The following LHFPL6 variants were observed in gnomAD, a reference collection of about 807,000 sequenced individuals.
LHFPL6 encodes the protein LHFPL tetraspan subfamily member 6 protein.
In LHFPL6, 9 loss-of-function variants were observed where a neutral mutation model predicts 20.6. The observed-to-expected ratio is 0.44, with a 90% confidence interval of 0.26 to 0.76. The LOEUF is 0.76. LHFPL6 is among the 30% of genes least tolerant of loss of function. LHFPL6 has a pLI of 0.20. For synonymous variants in LHFPL6, 105 were observed against 98.7 expected, an observed-to-expected ratio of 1.06 and a Z score of -0.38; for missense variants, 218 against 253.5, an observed-to-expected ratio of 0.86 and a Z score of 0.95.
chr13:39,544,707 C>T (rs1433956747), intron 2 of LHFPL6, among the ~76,000 whole-genome samples: 2 of 151,532 alleles, frequency 1.3e-5, no homozygotes, highest in Admixed American at 6.6e-5. Context: ...AAGAAACCTA[C>T]AAGAATCTGG....
chr13:39,513,605 T>C, intron 2 of LHFPL6, among the ~76,000 whole-genome samples: 1 of 152,236 alleles, frequency 6.6e-6, no homozygotes, highest in Non-Finnish European at 1.5e-5. Flanking sequence ...TGCATTTTAT[T>C]GAGTACCTAC....
intron 3 of LHFPL6, among the ~76,000 whole-genome samples, chr13:39,368,338 C>T (rs1174343868): frequency 6.6e-6 from 1 of 151,066 alleles, no homozygotes; most frequent in African/African-American, 2.4e-5. Context: ...AACCTCAGCA[C>T]TTTGGGAGGC....
chr13:39,402,312 ACTC>A, intron 2 of LHFPL6, among the ~76,000 whole-genome samples: 1 of 151,888 alleles, frequency 6.6e-6, no homozygotes, highest in East Asian at 1.9e-4. Flanking sequence ...GTAACCTTGA[ACTC>A]CTGGGCCCAA....
intron 2 of LHFPL6, among the ~76,000 whole-genome samples, chr13:39,532,206 C>T (rs1241918929): frequency 1.3e-5 from 2 of 152,100 alleles, no homozygotes; most frequent in Non-Finnish European, 2.9e-5. Flanking sequence ...TCTGAAAGAA[C>T]AACACTAATC....
chr13:39,478,138 T>C (rs1425509484), intron 2 of LHFPL6, among the ~76,000 whole-genome samples: 1 of 152,200 alleles, frequency 6.6e-6, no homozygotes, highest in African/African-American at 2.4e-5. Context: ...TGCAGCACTG[T>C]TCTAGAGACG....
intron 1 of LHFPL6, among the ~76,000 whole-genome samples, chr13:39,601,816 C>CT (rs1247807654): frequency 6.6e-6 from 1 of 152,160 alleles, no homozygotes; most frequent in Non-Finnish European, 1.5e-5. Flanking sequence ...TTCTATGTCC[C>CT]TTTAAGGGTG....
intron 2 of LHFPL6, among the ~76,000 whole-genome samples, chr13:39,477,004 G>A (rs1873100068): frequency 6.6e-6 from 1 of 152,160 alleles, no homozygotes; most frequent in Admixed American, 6.5e-5. Context: ...GATTGAAGAT[G>A]GGTAGTAAAA....
chr13:39,399,831 C>T (rs1229504072), intron 2 of LHFPL6, among the ~76,000 whole-genome samples: 3 of 152,166 alleles, frequency 2.0e-5, no homozygotes, highest in Non-Finnish European at 2.9e-5. Flanking sequence ...CAGTGGCTCA[C>T]GCCTGTAATC....
intron 3 of LHFPL6, among the ~76,000 whole-genome samples, chr13:39,351,963 G>A (rs930043944): frequency 6.6e-6 from 1 of 152,152 alleles, no homozygotes; most frequent in Admixed American, 6.5e-5. Flanking sequence ...CCTGATTTGC[G>A]AATTGTTCAT....
At chr13:39,550,264 G>C (rs1159280833) in intron 2 of LHFPL6, among the ~76,000 whole-genome samples, 2 of 152,024 alleles carry the variant, frequency 1.3e-5, no homozygotes, top group African/African-American at 4.8e-5. Flanking sequence ...CAGGTGGAAG[G>C]GTTGACTAGA....
chr13:39,568,283 A>T (rs1035580651), intron 2 of LHFPL6, among the ~76,000 whole-genome samples: 1 of 152,092 alleles, frequency 6.6e-6, no homozygotes, highest in African/African-American at 2.4e-5. Flanking sequence ...TCCAGAAAAA[A>T]AAAACAGAAT....
rs565183661 is a variant in LHFPL6 at position 39,512,601 on chromosome 13, C to CAAAAAA, written c.385+88225_385+88230dup. Reference sequence around the variant, plus strand: ...TGGGCAACAGAGCGAGCCTCCGTCTCAAAAAAAAAAAAAAGAAAAGAAAAA... The same window carrying CAAAAAA: ...TGGGCAACAGAGCGAGCCTCCGTCTCAAAAAAAAAAAAAAAAAAAAGAAAAGAAAAA... On this transcript the variant is annotated intron_variant, in intron 2 of 3. Coordinates refer to ENST00000379589, the MANE Select transcript of LHFPL6 (RefSeq NM_005780.3). Among the ~76,000 whole-genome samples the CAAAAAA allele has an allele frequency of 2.0e-4, 22 of 109,588 alleles. 2 individuals are homozygous for CAAAAAA. The South Asian group carries it at 5.9e-3, about 29-fold the overall frequency. The allele number at this position is 109,588 out of a possible 152,430, so 71.9% of individuals were successfully genotyped here.
At chr13:39,535,064 G>T (rs1478243278) in intron 2 of LHFPL6, among the ~76,000 whole-genome samples, 1 of 152,144 alleles carries the variant, frequency 6.6e-6, no homozygotes, top group Non-Finnish European at 1.5e-5. Context: ...TTCTTGATTT[G>T]TAGCAGCATA....
intron 2 of LHFPL6, among the ~76,000 whole-genome samples, chr13:39,413,717 T>G (rs531969303): frequency 1.1e-4 from 16 of 152,056 alleles, no homozygotes; most frequent in Admixed American, 3.9e-4. Context: ...CAAGTGTACA[T>G]ATAAGGTCAG....
At chr13:39,373,087 G>T (rs984157307) in intron 3 of LHFPL6, among the ~76,000 whole-genome samples, 14 of 152,226 alleles carry the variant, frequency 9.2e-5, no homozygotes, top group Admixed American at 9.2e-4. Flanking sequence ...TCACAGGTGA[G>T]GTTAGGTCCC....
chr13:39,487,900 C>T (rs1269583598), intron 2 of LHFPL6, among the ~76,000 whole-genome samples: 1 of 152,148 alleles, frequency 6.6e-6, no homozygotes, highest in East Asian at 1.9e-4. Context: ...ATAAAATTAG[C>T]CGGGCATGGT....
At chr13:39,357,909 G>A (rs1191615963) in intron 3 of LHFPL6, among the ~76,000 whole-genome samples, 1 of 152,030 alleles carries the variant, frequency 6.6e-6, no homozygotes, top group Non-Finnish European at 1.5e-5. Context: ...AACTTAAAAA[G>A]CTACCAACCA....
At chr13:39,478,528 T>C (rs1011874453) in intron 2 of LHFPL6, among the ~76,000 whole-genome samples, 15 of 152,278 alleles carry the variant, frequency 9.9e-5, no homozygotes, top group African/African-American at 3.6e-4. Flanking sequence ...TGTGTCAACT[T>C]GACTGCCCCA....
intron 2 of LHFPL6, among the ~76,000 whole-genome samples, chr13:39,586,026 T>C (rs1872437099): frequency 6.6e-6 from 1 of 152,146 alleles, no homozygotes; most frequent in South Asian, 2.1e-4. Flanking sequence ...GTGGTAAATC[T>C]GTTTCCATTC....
Sources: gnomAD v4.1 joint callset for allele counts (sites outside exome capture counted in the v4.1 genomes callset) on GRCh38, gnomAD v4.1.1 for gene constraint, MANE v1.5 for transcripts, NCBI Gene and HGNC (gene_info 2026-07-23, HGNC 2026-07-21) for gene names.